ABCC6: variants seen among roughly 807,000 people sequenced by gnomAD.
The protein encoded by ABCC6 is ATP-binding cassette sub-family C member 6.
ABCC6 carries 126 observed loss-of-function variants against 169.5 expected under a neutral mutation model. The observed-to-expected ratio is 0.74, with a 90% confidence interval of 0.64 to 0.86. ABCC6 has a LOEUF of 0.86. Ranked by LOEUF, ABCC6 falls within the 40% of genes least tolerant of loss-of-function variation. The pLI, the probability that ABCC6 is intolerant of heterozygous loss-of-function variation, is 0.00. For synonymous variants in ABCC6, 752 were observed against 814.7 expected (o/e 0.92, Z 1.31); for missense variants, 1,733 against 1,927.2 (o/e 0.90, Z 1.89).
At chr16:16,179,553 C>T (rs1031970149) in intron 17 of ABCC6, among the ~76,000 whole-genome samples, 1 of 151,916 alleles carries the variant, frequency 6.6e-6, no homozygotes, top group Admixed American at 6.6e-5. Flanking sequence ...AAGCACATTA[C>T]GTTGATTGTG....
At position 16,165,597 on chromosome 16, in the gene ABCC6, C is replaced by T. The variant is rs202151781; in HGVS notation, c.3306+26G>A. On this transcript the variant is annotated intron_variant, in intron 23 of 30. Coordinates refer to ENST00000205557, the MANE Select transcript of ABCC6 (RefSeq NM_001171.6). ...TGGCTGAGTTGACCTCAGCCGGTCC[C>T]GGAAGCCTCCCTGACCTCTCCGTAC... The T allele has an allele frequency of 5.8e-5, 93 of 1,612,426 alleles. 1 individual carries two copies. The highest frequency in any genetic ancestry group is 4.5e-4 in the South Asian group (41 of 91,060).
At chr16:16,162,516 T>C (rs1186109148) in intron 24 of ABCC6, among the ~76,000 whole-genome samples, 2 of 152,234 alleles carry the variant, frequency 1.3e-5, no homozygotes, top group Admixed American at 1.3e-4. Context: ...TTACAGGTCT[T>C]ACCTATGAGT....
Position 16,198,091 on chromosome 16 carries a change from C to A in ABCC6, c.1268G>T (p.Ser423Ile). 2 of 1,613,932 alleles carry A rather than the reference C, an allele frequency of 1.2e-6. No individual in the cohort carries two copies. Among genetic ancestry groups the A allele is most frequent in the Non-Finnish European group, 1.7e-6 (2 of 1,179,950 alleles). ...CCACAGCCCGTTGAGGTAGAGGACG[C>A]TCTCGGTCAGCCGCTGCACGTCCAC... ...VSVDVQRLTE[S>I]VLYLNGLWLP... is the part of the protein sequence containing the mutation. Residue 423 changes from serine (S) to isoleucine (I), a missense_variant, in exon 10 of 31, where the codon AGC (serine) becomes ATC (isoleucine). This residue lies in a region of ABCC6 where 1,601 missense variants were observed against 1,635.5 expected (regional missense o/e 0.98). Transcript: ENST00000205557.
intron 2 of ABCC6, among the ~76,000 whole-genome samples, chr16:16,220,812 A>C (rs2049045833): frequency 6.6e-6 from 1 of 151,370 alleles, no homozygotes; most frequent in African/African-American, 2.4e-5. Context: ...CAGGAGAATC[A>C]CTTGAACCCA....
chr16:16,217,370 C>T (rs1359880515), intron 4 of ABCC6, among the ~76,000 whole-genome samples: 1 of 152,208 alleles, frequency 6.6e-6, no homozygotes, highest in African/African-American at 2.4e-5. Context: ...CCGTCATTCC[C>T]TTCTCCTAGC....
In ABCC6 at chr16:16,182,597, C is replaced by T; in HGVS notation, c.2071-9G>A. 6.2e-7 allele frequency: 1 copy of T among 1,610,972 alleles called. No homozygotes were observed. Among genetic ancestry groups the T allele is most frequent in the South Asian group, 1.1e-5 (1 of 90,882 alleles). On this transcript the variant is annotated splice_polypyrimidine_tract_variant and intron_variant, in intron 16 of 30. Transcript: ENST00000205557. ...ACGTAGGCCACAGCACCCTAAAACA[C>T]AACTTACTTTGGTCACAGGAGGATG...
intron 2 of ABCC6, among the ~76,000 whole-genome samples, chr16:16,220,796 C>T (rs1008711292): frequency 6.6e-6 from 1 of 151,562 alleles, no homozygotes; most frequent in Non-Finnish European, 1.5e-5. Context: ...ACTCGGGAAG[C>T]TGAGGCAGGA....
intron 22 of ABCC6, 86 bp downstream of exon 22, chr16:16,169,560 A>G (rs1051611663): frequency 1.3e-5 from 19 of 1,482,540 alleles, no homozygotes; most frequent in Non-Finnish European, 1.8e-5. Flanking sequence ...GGACAGGGTG[A>G]CCCAGGGAGG....
chr16:16,199,224 C>T lies in ABCC6; in HGVS notation c.1177-1042G>A, dbSNP rs373009042. 4.7e-5 allele frequency among the ~76,000 whole-genome samples: 7 copies of T among 148,470 alleles called. No homozygotes were observed. The East Asian group carries it at 9.9e-4, about 21-fold the overall frequency. On this transcript the variant is annotated intron_variant, in intron 9 of 30. Transcript: ENST00000205557. ...ATTATTCTCTCACCAAGGAAAATAC[C>T]ACTTCCAGTTAAATTAAGACATGTA...
At chr16:16,188,790 GCA>G in intron 13 of ABCC6, 39 bp downstream of exon 13, 1 of 1,598,962 alleles carries the variant, frequency 6.3e-7, no homozygotes, top group Admixed American at 1.7e-5. Context: ...TGTAGCCCAC[GCA>G]CTCTCCCAGG....
At chr16:16,211,902 A>G (rs1403117793) in intron 6 of ABCC6, among the ~76,000 whole-genome samples, 1 of 151,354 alleles carries the variant, frequency 6.6e-6, no homozygotes, top group Non-Finnish European at 1.5e-5. Context: ...ATGCAGGTTG[A>G]GTCATCCCCA....
chr16:16,185,285 G>A (rs1359191216), intron 14 of ABCC6, among the ~76,000 whole-genome samples: 3 of 152,192 alleles, frequency 2.0e-5, no homozygotes, highest in Non-Finnish European at 4.4e-5. Context: ...AATCCTGCCT[G>A]CTGCCTTTTC....
chr16:16,160,425 C>T (rs2046677632), intron 25 of ABCC6, among the ~76,000 whole-genome samples: 2 of 151,872 alleles, frequency 1.3e-5, no homozygotes, highest in South Asian at 4.2e-4. Flanking sequence ...TTGTTTGAAC[C>T]CAGGAATTGA....
chr16:16,150,066 C>T lies in ABCC6; in HGVS notation c.*67G>A. 1 of 1,599,732 alleles carries T rather than the reference C, an allele frequency of 6.3e-7. No homozygotes were observed. The highest frequency in any genetic ancestry group is 1.1e-5 in the South Asian group (1 of 89,452). Reference sequence around the variant, plus strand: ...TGTGGAGCTATCGATGACCACGGGTCACTTCCATCTCCAGCACTGCAGGCT... The same window carrying T: ...TGTGGAGCTATCGATGACCACGGGTTACTTCCATCTCCAGCACTGCAGGCT... On this transcript the variant is annotated 3_prime_UTR_variant, in exon 31 of 31. Transcript: ENST00000205557.
intron 27 of ABCC6, among the ~76,000 whole-genome samples, 180 bp downstream of exon 27, chr16:16,157,483 C>T (rs1596595124): frequency 6.6e-6 from 1 of 152,056 alleles, no homozygotes; most frequent in East Asian, 1.9e-4. Flanking sequence ...GAGGAAGTCA[C>T]CAGATGGAAG....
intron 21 of ABCC6, among the ~76,000 whole-genome samples, chr16:16,172,033 G>A (rs1353398505): frequency 6.9e-6 from 1 of 145,330 alleles, no homozygotes; most frequent in Non-Finnish European, 1.5e-5. Flanking sequence ...ATGAGTAGGT[G>A]GGATGCATAA....
intron 27 of ABCC6, among the ~76,000 whole-genome samples, chr16:16,156,193 G>A (rs930198843): frequency 1.3e-5 from 2 of 152,152 alleles, no homozygotes; most frequent in Non-Finnish European, 2.9e-5. Context: ...TGGGATTACA[G>A]GTATAAGCCA....
At chr16:16,179,410 C>T (rs1057508765) in intron 17 of ABCC6, among the ~76,000 whole-genome samples, 1 of 152,098 alleles carries the variant, frequency 6.6e-6, no homozygotes, top group Non-Finnish European at 1.5e-5. Context: ...TCGAGGGGCA[C>T]AAGTGGTATT....
At chr16:16,186,637 C>T (rs769129454) in intron 14 of ABCC6, among the ~76,000 whole-genome samples, 5 of 149,592 alleles carry the variant, frequency 3.3e-5, no homozygotes, top group Middle Eastern at 3.2e-3. Flanking sequence ...TCCCATCACC[C>T]GCTTTGGGGC....
Sources: allele counts gnomAD v4.1 joint callset (sites outside exome capture counted in the v4.1 genomes callset), GRCh38; gene constraint gnomAD v4.1.1; regional missense constraint gnomAD v4.1.1; transcripts MANE v1.5; gene names NCBI Gene and HGNC (gene_info 2026-07-23, HGNC 2026-07-21).